The following EML5 variants were observed in gnomAD, a reference collection of about 807,000 sequenced individuals.
EML5 encodes the protein EMAP like 5, also known as echinoderm microtubule-associated protein-like 5.
In EML5, 120 loss-of-function variants were observed where a neutral mutation model predicts 250.0. The observed-to-expected ratio is 0.48, with a 90% CI of 0.41 to 0.56. The LOEUF is 0.56. EML5 is among the 20% of genes least tolerant of loss of function. The pLI is 0.00. For missense variants in EML5, 2,006 were observed against 2,437.6 expected, an observed-to-expected ratio of 0.82 and a Z score of 3.73; for synonymous variants, 771 against 806.5, an observed-to-expected ratio of 0.96 and a Z score of 0.75.
chr14:88,728,992 AT>A (rs34708784), intron 7 of EML5, among the ~76,000 whole-genome samples: 1 of 152,078 alleles, frequency 6.6e-6, no homozygotes, highest in Non-Finnish European at 1.5e-5. Context: ...AGGAAAAATG[AT>A]TTTTGTATAT....
intron 8 of EML5, among the ~76,000 whole-genome samples, chr14:88,721,181 C>T (rs935729769): frequency 6.6e-6 from 1 of 152,106 alleles, no homozygotes; most frequent in African/African-American, 2.4e-5. Flanking sequence ...ATGAAAATTG[C>T]CATCCTGCCC....
chr14:88,682,761 T>C (rs2092743634), intron 20 of EML5, among the ~76,000 whole-genome samples: 1 of 152,164 alleles, frequency 6.6e-6, no homozygotes, highest in African/African-American at 2.4e-5. Context: ...GCCCAGCCCC[T>C]CCTCCAGATG....
intron 31 of EML5, among the ~76,000 whole-genome samples, chr14:88,642,639 C>T (rs1428325274): frequency 2.0e-5 from 3 of 152,120 alleles, no homozygotes; most frequent in African/African-American, 7.2e-5. Context: ...ACAGTAAAAC[C>T]TCTACTTCTA....
At chr14:88,714,863 C>A in intron 9 of EML5, 76 bp downstream of exon 9, 1 of 1,412,602 alleles carries the variant, frequency 7.1e-7, no homozygotes. Context: ...TCAAATGTAA[C>A]TTACACTCTG....
chr14:88,661,531 T>C (rs2092100902), intron 25 of EML5, 123 bp downstream of exon 25: 1 of 882,842 alleles, frequency 1.1e-6, no homozygotes, highest in African/African-American at 1.7e-5. Context: ...ATTCTGAACC[T>C]TTCATATTAC....
intron 1 of EML5, among the ~76,000 whole-genome samples, chr14:88,761,413 AT>A (rs966346137): frequency 3.3e-5 from 5 of 151,996 alleles, no homozygotes; most frequent in Admixed American, 3.3e-4. Context: ...ATATGTTCTC[AT>A]TGTTCAACTC....
At chr14:88,655,223 A>G (rs1170894595) in intron 27 of EML5, among the ~76,000 whole-genome samples, 1 of 152,202 alleles carries the variant, frequency 6.6e-6, no homozygotes, top group Admixed American at 6.6e-5. Context: ...GCTGACTTCA[A>G]ACTATACTAC....
chr14:88,693,089 CATT>C (rs535209858), intron 17 of EML5, among the ~76,000 whole-genome samples: 115 of 152,162 alleles, frequency 7.6e-4, no homozygotes, highest in African/African-American at 2.7e-3. Context: ...ACTTTTGTAT[CATT>C]TAATAGCATA....
chr14:88,776,691 C>T (rs36101603), intron 1 of EML5, among the ~76,000 whole-genome samples: 59,792 of 151,028 alleles, frequency 0.4, 14,101 homozygotes, highest in African/African-American at 0.64. Flanking sequence ...GACCAACGTG[C>T]GTAACATGGC....
chr14:88,628,681 A>G (rs190217273), intron 33 of EML5, among the ~76,000 whole-genome samples: 14 of 152,224 alleles, frequency 9.2e-5, no homozygotes, highest in Admixed American at 7.2e-4. Flanking sequence ...AAACATTAAG[A>G]CAAGCTGCCT....
intron 1 of EML5, among the ~76,000 whole-genome samples, chr14:88,777,247 C>G (rs200580153): frequency 1.3e-5 from 2 of 151,878 alleles, no homozygotes; most frequent in African/African-American, 2.4e-5. Flanking sequence ...GAAGACTTTA[C>G]AGTGGAAACC....
chr14:88,684,897 T>C (rs1344031557), intron 20 of EML5, 118 bp downstream of exon 20: 2 of 949,908 alleles, frequency 2.1e-6, no homozygotes, highest in South Asian at 2.5e-5. Context: ...TCTGTATACA[T>C]TAACAAATAT....
intron 15 of EML5, among the ~76,000 whole-genome samples, chr14:88,696,250 A>C (rs1366756024): frequency 6.6e-6 from 1 of 151,766 alleles, no homozygotes; most frequent in Non-Finnish European, 1.5e-5. Flanking sequence ...GCATTAATTC[A>C]CTGTTTCTTA....
chr14:88,705,399 G>T, intron 12 of EML5, 83 bp downstream of exon 12: 1 of 1,006,980 alleles, frequency 9.9e-7, no homozygotes, highest in Non-Finnish European at 1.5e-6. Context: ...AGCCACAAAA[G>T]ATAACAACAG....
intron 21 of EML5, among the ~76,000 whole-genome samples, chr14:88,673,344 C>T (rs1318103725): frequency 6.6e-5 from 10 of 152,264 alleles, no homozygotes; most frequent in Admixed American, 4.6e-4. Context: ...CATCCCATCA[C>T]GTTAAAAATT....
At chr14:88,642,099 G>A (rs1361884689) in intron 31 of EML5, among the ~76,000 whole-genome samples, 1 of 152,132 alleles carries the variant, frequency 6.6e-6, no homozygotes, top group Non-Finnish European at 1.5e-5. Flanking sequence ...CCGACAAGAG[G>A]TGGTGGATTA....
intron 8 of EML5, among the ~76,000 whole-genome samples, chr14:88,722,612 G>C (rs1487152694): frequency 1.3e-5 from 2 of 152,092 alleles, no homozygotes; most frequent in African/African-American, 2.4e-5. Context: ...GAGGCCTTTG[G>C]GGGTGGGGTG....
intron 21 of EML5, 62 bp downstream of exon 21, chr14:88,681,828 T>C (rs1400481637): frequency 3.3e-6 from 5 of 1,494,996 alleles, no homozygotes; most frequent in South Asian, 2.9e-5. Context: ...TGCTTTCTTA[T>C]ATTTGTAAAG....
At chr14:88,732,914 G>C (rs1488719475) in intron 7 of EML5, among the ~76,000 whole-genome samples, 3 of 152,102 alleles carry the variant, frequency 2.0e-5, no homozygotes, top group Non-Finnish European at 4.4e-5. Flanking sequence ...AGGTTCTAGC[G>C]ATATTATTAA....
Sources: allele counts gnomAD v4.1 joint callset (sites outside exome capture counted in the v4.1 genomes callset), GRCh38; gene constraint gnomAD v4.1.1; transcripts MANE v1.5; gene names NCBI Gene and HGNC (gene_info 2026-07-23, HGNC 2026-07-21).